The following ERC1 variants were observed in gnomAD, a reference collection of about 807,000 sequenced individuals.
The protein encoded by ERC1 is RAB6 interacting protein 2.
In ERC1, 56 loss-of-function variants were observed where a neutral mutation model predicts 132.0. That is an observed-to-expected ratio of 0.42 (90% CI 0.34 to 0.53). The LOEUF is 0.53. ERC1 is among the 20% of genes least tolerant of loss of function. The probability of loss-of-function intolerance (pLI) is 0.03; values close to 1 mark genes in which losing one functional copy is unlikely to be tolerated. For synonymous variants in ERC1, 478 were observed against 476.1 expected (o/e 1.00, Z -0.05); for missense variants, 1,202 against 1,349.9 (o/e 0.89, Z 1.72).
At chr12:1,093,526 A>C (rs34752786) in intron 3 of ERC1, among the ~76,000 whole-genome samples, 28,809 of 152,146 alleles carry the variant, frequency 0.19, 3,478 homozygotes, top group Non-Finnish European at 0.25. Flanking sequence ...TGCATACCAA[A>C]CATTGTCTAT....
At chr12:1,122,865 T>C (rs542272163) in intron 7 of ERC1, among the ~76,000 whole-genome samples, 5 of 152,284 alleles carry the variant, frequency 3.3e-5, no homozygotes, top group Non-Finnish European at 5.9e-5. Flanking sequence ...TGGTATGATA[T>C]TCAAGTCTGC....
chr12:1,354,230 T>G (rs114223979), intron 15 of ERC1, among the ~76,000 whole-genome samples: 555 of 152,164 alleles, frequency 3.6e-3, no homozygotes, highest in African/African-American at 0.013. Context: ...AAAGATTAAA[T>G]TACTTAGTTA....
chr12:1,390,912 A>T (rs986742045), intron 16 of ERC1: 8 of 152,318 alleles, frequency 5.3e-5, no homozygotes, highest in Non-Finnish European at 7.3e-5. Flanking sequence ...GACAAGTTTG[A>T]TGAGGGAGGG....
At chr12:1,071,685 A>G (rs1356731836) in intron 2 of ERC1, among the ~76,000 whole-genome samples, 1 of 152,026 alleles carries the variant, frequency 6.6e-6, no homozygotes, top group Non-Finnish European at 1.5e-5. Context: ...CACTCTTTCC[A>G]TATGATACAA....
intron 18 of ERC1, among the ~76,000 whole-genome samples, chr12:1,461,886 TATTCATCAACACTGGG>T: frequency 6.6e-6 from 1 of 152,276 alleles, no homozygotes; most frequent in East Asian, 1.9e-4. Context: ...TTTAAACTTC[TATTCATCAACACTGGG>T]AAAAAATATT....
intron 7 of ERC1, among the ~76,000 whole-genome samples, chr12:1,129,366 G>GA (rs11392548): frequency 0.61 from 92,235 of 151,774 alleles, 30,580 homozygotes; most frequent in East Asian, 0.87. Context: ...GCAACAACAA[G>GA]AAAAAAAACT....
At chr12:1,292,885 G>A (rs954599936) in intron 15 of ERC1, among the ~76,000 whole-genome samples, 1 of 151,454 alleles carries the variant, frequency 6.6e-6, no homozygotes, top group Non-Finnish European at 1.5e-5. Context: ...GGTGGCTCAC[G>A]CCTGTAATCC....
At chr12:1,168,421 C>G (rs1454767248) in intron 8 of ERC1, among the ~76,000 whole-genome samples, 1 of 151,534 alleles carries the variant, frequency 6.6e-6, no homozygotes, top group African/African-American at 2.4e-5. Flanking sequence ...ACTGCACTGG[C>G]CAAATTTGGC....
At chr12:1,168,678 G>C (rs934570326) in intron 8 of ERC1, among the ~76,000 whole-genome samples, 1 of 151,830 alleles carries the variant, frequency 6.6e-6, no homozygotes, top group Non-Finnish European at 1.5e-5. Context: ...GTAGAGATGG[G>C]GTTTTGCCAT....
intron 16 of ERC1, among the ~76,000 whole-genome samples, chr12:1,404,879 C>T (rs1235426450): frequency 2.0e-5 from 3 of 152,154 alleles, no homozygotes; most frequent in African/African-American, 7.2e-5. Context: ...TGGCTCATGC[C>T]TGTAATCCCA....
At chr12:1,119,511 TTG>T (rs1180385226) in intron 7 of ERC1, among the ~76,000 whole-genome samples, 87 of 138,938 alleles carry the variant, frequency 6.3e-4, no homozygotes, top group African/African-American at 2.1e-3. Flanking sequence ...TACTTCTTCT[TTG>T]TGTGTGTGTG....
intron 14 of ERC1, among the ~76,000 whole-genome samples, chr12:1,279,043 G>A (rs781615664): frequency 3.3e-5 from 5 of 152,110 alleles, no homozygotes; most frequent in African/African-American, 7.2e-5. Flanking sequence ...TGAATGGCAT[G>A]ACCTTTTCCT....
chr12:1,252,746 A>G (rs138571543), intron 13 of ERC1, among the ~76,000 whole-genome samples: 31 of 152,338 alleles, frequency 2.0e-4, no homozygotes, highest in African/African-American at 6.7e-4. Context: ...GTATTGCCTT[A>G]AAGTAGTTGG....
intron 17 of ERC1, among the ~76,000 whole-genome samples, chr12:1,436,725 TTA>T (rs1303187138): frequency 6.6e-6 from 1 of 152,160 alleles, no homozygotes; most frequent in Admixed American, 6.5e-5. Context: ...ATTTCAATGT[TTA>T]TGTGTTCACA....
At chr12:1,447,702 T>C (rs2154414175) in intron 18 of ERC1, among the ~76,000 whole-genome samples, 1 of 152,002 alleles carries the variant, frequency 6.6e-6, no homozygotes, top group East Asian at 2.0e-4. Flanking sequence ...CAGGCTGGAG[T>C]GCAGTGGCAC....
intron 18 of ERC1, among the ~76,000 whole-genome samples, chr12:1,467,228 G>T (rs901334905): frequency 2.6e-5 from 4 of 152,196 alleles, no homozygotes; most frequent in Non-Finnish European, 4.4e-5. Context: ...ATTGGATAAG[G>T]CTCCGACCTG....
At chr12:1,051,418 G>C (rs371340702) in intron 2 of ERC1, among the ~76,000 whole-genome samples, 1 of 151,874 alleles carries the variant, frequency 6.6e-6, no homozygotes, top group Non-Finnish European at 1.5e-5. Flanking sequence ...GGCTGGGCAT[G>C]GTGGCTCATG....
intron 15 of ERC1, among the ~76,000 whole-genome samples, chr12:1,332,783 A>T (rs1240538907): frequency 6.6e-6 from 1 of 152,192 alleles, no homozygotes; most frequent in Admixed American, 6.5e-5. Context: ...TTCTCTGCTT[A>T]CTTGTTACAG....
At position 1,493,548 on chromosome 12, in the gene ERC1, A is replaced by AAAAAAAAAATATATATATATATATAT. The variant is rs56939346; in HGVS notation, c.*3319_*3320insAAAAAAAATATATATATATATATATA. The AAAAAAAAAATATATATATATATATAT allele has an allele frequency of 7.3e-5, 1 of 13,618 alleles. No homozygotes were observed. Among genetic ancestry groups the AAAAAAAAAATATATATATATATATAT allele is most frequent in the Non-Finnish European group, 1.5e-4 (1 of 6,820 alleles). The allele number at this position is 13,618 out of a possible 1,614,324, so 0.8% of individuals were successfully genotyped here. ...ACTCCATTTAAAAAAAAAAAAAAAAAATATATATATATATATATATATATA... is the reference window on the plus strand; with the variant it reads ...ACTCCATTTAAAAAAAAAAAAAAAAAAAAAAAAAATATATATATATATATATATATATATATATATATATATATATA... On this transcript the variant is annotated 3_prime_UTR_variant, in exon 19 of 19. Transcript: ENST00000360905.
Sources: gnomAD v4.1 joint callset for allele counts (sites outside exome capture counted in the v4.1 genomes callset) on GRCh38, gnomAD v4.1.1 for gene constraint, MANE v1.5 for transcripts, NCBI Gene and HGNC (gene_info 2026-07-23, HGNC 2026-07-21) for gene names.